The following ACTN1 variants were observed in gnomAD, a reference collection of about 807,000 sequenced individuals.
The protein encoded by ACTN1 is alpha-actinin-1.
A neutral mutation model predicts 119.6 loss-of-function variants in ACTN1; 30 were observed. That is an observed-to-expected ratio of 0.25 (90% CI 0.19 to 0.34). ACTN1 has a LOEUF of 0.34. ACTN1 is among the 10% of genes least tolerant of loss of function. ACTN1 has a pLI of 1.00. For synonymous variants in ACTN1, 429 were observed against 472.6 expected (o/e 0.91, Z 1.20); for missense variants, 764 against 1,223.4 (o/e 0.62, Z 5.60).
chr14:68,979,062 T>G lies in ACTN1; in HGVS notation c.-6A>C. ...TGAGAATCATAATGGTCCATGATGG[T>G]GCGCGCGTGCTAGGGTCTGGATTTC... On this transcript the variant is annotated 5_prime_UTR_variant, in exon 1 of 22. Coordinates refer to ENST00000394419, the MANE Select transcript of ACTN1 (RefSeq NM_001130004.2). 1 of 1,537,084 alleles carries G rather than the reference T, an allele frequency of 6.5e-7. No homozygotes were observed. The highest frequency in any genetic ancestry group is 8.8e-7 in the Non-Finnish European group (1 of 1,134,054).
chr14:68,949,859 G>C (rs2036070879), intron 1 of ACTN1, among the ~76,000 whole-genome samples: 1 of 152,144 alleles, frequency 6.6e-6, no homozygotes. Flanking sequence ...AGACACAAAA[G>C]AATAAATGCT....
rs1426674508 is a variant in ACTN1 at position 68,925,521 on chromosome 14, T to C, written c.220+37A>G. On this transcript the variant is annotated intron_variant, in intron 2 of 21. Transcript: ENST00000394419. This position sits in a 1 kb window ranked among gnomAD's most constrained non-coding sequence, Gnocchi z 4.3. ...ATGCCAAGGTGTCAGGCAGCACCAATAGACAGTATCTCGTCCTGGGCCAGG... is the reference window on the plus strand; with the variant it reads ...ATGCCAAGGTGTCAGGCAGCACCAACAGACAGTATCTCGTCCTGGGCCAGG... 20 of 1,561,444 alleles carry C rather than the reference T, an allele frequency of 1.3e-5. No individual in the cohort carries two copies. The highest frequency in any genetic ancestry group is 2.3e-5 in the East Asian group (1 of 44,314).
rs1424478012 is a variant in ACTN1 at position 68,875,021 on chromosome 14, C to T, written c.2587-4G>A. On this transcript the variant is annotated splice_polypyrimidine_tract_variant and splice_region_variant and intron_variant, in intron 21 of 21. Transcript: ENST00000394419. ...GCTCGTCCATGGTAATGTAGTTCTG[C>T]GAGGAGAGAGTGGTCAGGAAGGCCG... is the stretch of plus-strand genomic sequence containing the variant. 1.9e-6 allele frequency: 3 copies of T among 1,612,510 alleles called. No individual in the cohort carries two copies. The East Asian group carries it at 6.7e-5, about 36-fold the overall frequency.
At chr14:68,927,531 T>A (rs1195605389) in intron 1 of ACTN1, among the ~76,000 whole-genome samples, 2 of 152,176 alleles carry the variant, frequency 1.3e-5, no homozygotes, top group Non-Finnish European at 2.9e-5. Context: ...GGGAACTGGA[T>A]GCAAAGCTGA....
intron 1 of ACTN1, among the ~76,000 whole-genome samples, chr14:68,948,913 G>A (rs901019432): frequency 6.6e-6 from 1 of 152,114 alleles, no homozygotes; most frequent in East Asian, 1.9e-4. Context: ...TCTGCCAGGG[G>A]GTCAAAGCAG....
intron 8 of ACTN1, among the ~76,000 whole-genome samples, chr14:68,901,351 G>A (rs762684335): frequency 6.7e-5 from 10 of 150,300 alleles, no homozygotes; most frequent in Non-Finnish European, 1.3e-4. Context: ...GGGTTCAAGC[G>A]ATTCTCTGGT....
At chr14:68,966,294 C>T (rs892479309) in intron 1 of ACTN1, among the ~76,000 whole-genome samples, 1 of 152,156 alleles carries the variant, frequency 6.6e-6, no homozygotes, top group Non-Finnish European at 1.5e-5. Context: ...AGGGCAGAAA[C>T]ACAGAATGTT....
At chr14:68,888,859 C>A (rs1281064443) in intron 11 of ACTN1, among the ~76,000 whole-genome samples, 1 of 152,178 alleles carries the variant, frequency 6.6e-6, no homozygotes, top group African/African-American at 2.4e-5. Flanking sequence ...CATCTGCCTC[C>A]TCCCCACTGC....
intron 1 of ACTN1, among the ~76,000 whole-genome samples, chr14:68,948,965 C>A: frequency 6.6e-6 from 1 of 152,240 alleles, no homozygotes; most frequent in Non-Finnish European, 1.5e-5. Flanking sequence ...AGAGACCAGT[C>A]AGCTGTGCAC....
At position 68,882,639 on chromosome 14, in the gene ACTN1, G is replaced by A. The variant is rs767522648; in HGVS notation, c.1819-47C>T. ...GACTTTCAGGATGGGTCAGCCATCT[G>A]TCCATGTGCCAGATGAGGAAATGGA... is the stretch of plus-strand genomic sequence containing the variant. On this transcript the variant is annotated intron_variant, in intron 15 of 21. Coordinates refer to ENST00000394419, the MANE Select transcript of ACTN1 (RefSeq NM_001130004.2). This position sits in a 1 kb window ranked among gnomAD's most constrained non-coding sequence, Gnocchi z 4.5. 3 of 1,608,900 alleles carry A rather than the reference G, an allele frequency of 1.9e-6. No homozygotes were observed. The highest frequency in any genetic ancestry group is 2.6e-6 in the Non-Finnish European group (3 of 1,176,336).
At chr14:68,915,375 C>T (rs922433834) in intron 3 of ACTN1, among the ~76,000 whole-genome samples, 8 of 152,176 alleles carry the variant, frequency 5.3e-5, no homozygotes, top group Non-Finnish European at 1.0e-4. Context: ...TTCACTCACA[C>T]GTCCCCTTCT....
chr14:68,931,007 G>A (rs896560991), intron 1 of ACTN1, among the ~76,000 whole-genome samples: 10 of 152,160 alleles, frequency 6.6e-5, no homozygotes, highest in African/African-American at 2.4e-4. Flanking sequence ...CAGTCCACAC[G>A]GCTGGATTAT....
chr14:68,947,553 T>C (rs1229528062), intron 1 of ACTN1: 1 of 152,262 alleles, frequency 6.6e-6, no homozygotes, highest in South Asian at 2.1e-4. Flanking sequence ...CAAAGCTGGG[T>C]TCTCCCTAAC....
chr14:68,940,659 C>G (rs1202634483), intron 1 of ACTN1, among the ~76,000 whole-genome samples: 1 of 146,104 alleles, frequency 6.8e-6, no homozygotes, highest in African/African-American at 2.6e-5. Flanking sequence ...GGCAACATAG[C>G]AAGACCCTGT....
chr14:68,920,760 C>A (rs1326444002), intron 3 of ACTN1, among the ~76,000 whole-genome samples: 1 of 152,162 alleles, frequency 6.6e-6, no homozygotes, highest in Non-Finnish European at 1.5e-5. Context: ...AGAGCAAGGA[C>A]GTGGCTAAGC....
intron 1 of ACTN1, among the ~76,000 whole-genome samples, chr14:68,951,105 C>T (rs995953515): frequency 1.3e-5 from 2 of 152,156 alleles, no homozygotes; most frequent in Non-Finnish European, 2.9e-5. Context: ...TTCCCTGGCC[C>T]CCCGCCCTTT....
intron 1 of ACTN1, among the ~76,000 whole-genome samples, chr14:68,971,669 C>G (rs1350736766): frequency 3.3e-5 from 5 of 152,234 alleles, no homozygotes; most frequent in Admixed American, 2.0e-4. Flanking sequence ...ACAAACGCAT[C>G]TGACATACAC....
At chr14:68,943,539 C>A (rs537529219) in intron 1 of ACTN1, among the ~76,000 whole-genome samples, 31 of 152,188 alleles carry the variant, frequency 2.0e-4, no homozygotes, top group Non-Finnish European at 3.8e-4. Context: ...CCCCTCCCCC[C>A]AACCTTGAAA....
rs891764886 is a variant in ACTN1, at chr14:68,874,384, T to A, written c.*475A>T. On this transcript the variant is annotated 3_prime_UTR_variant, in exon 22 of 22. Coordinates refer to ENST00000394419, the MANE Select transcript of ACTN1 (RefSeq NM_001130004.2). ...GGACAAGTGAGCTAGCAAACACACA[T>A]GCACCAATGTGCCTTTTGACAAGAG... 6.5e-6 allele frequency: 1 copy of A among 153,102 alleles called. No homozygotes were observed. The highest frequency in any genetic ancestry group is 2.4e-5 in the African/African-American group (1 of 41,440). 9.5% of individuals were successfully genotyped at this position (153,102 alleles called of 1,614,324 possible). A position where few individuals can be genotyped will look rare whatever the true frequency, so the allele number is the denominator to read the frequency against.
Sources: gnomAD v4.1 joint callset for allele counts (sites outside exome capture counted in the v4.1 genomes callset) on GRCh38, gnomAD v4.1.1 for gene constraint, Gnocchi (gnomAD v3.1) non-coding constraint, MANE v1.5 for transcripts, NCBI Gene and HGNC (gene_info 2026-07-23, HGNC 2026-07-21) for gene names.